The following SGPP2 variants were observed in gnomAD, a reference collection of about 807,000 sequenced individuals.
SGPP2 encodes the protein sphingosine 1-phosphate phosphohydrolase 2.
SGPP2 carries 30 observed loss-of-function variants against 33.9 expected under a neutral mutation model. The ratio of observed to expected loss-of-function variants is 0.89; its 90% CI spans 0.66 to 1.20. The LOEUF (loss-of-function observed/expected upper bound fraction) is 1.20. SGPP2 is among the 50% of genes most tolerant of loss of function. The pLI is 0.00. For synonymous variants in SGPP2, 233 were observed against 225.0 expected, an observed-to-expected ratio of 1.04 and a Z score of -0.32; for missense variants, 458 against 532.1, an observed-to-expected ratio of 0.86 and a Z score of 1.37.
chr2:222,451,832 A>G (rs1574837701), intron 1 of SGPP2, among the ~76,000 whole-genome samples: 1 of 152,336 alleles, frequency 6.6e-6, no homozygotes, highest in African/African-American at 2.4e-5. Context: ...GCAGTTGTTT[A>G]ATGCTGATGG....
At chr2:222,486,634 T>G (rs941956867) in intron 2 of SGPP2, among the ~76,000 whole-genome samples, 11 of 152,186 alleles carry the variant, frequency 7.2e-5, no homozygotes, top group African/African-American at 2.7e-4. Flanking sequence ...TTGTGGCCTT[T>G]ATAAATATTC....
intron 1 of SGPP2, among the ~76,000 whole-genome samples, chr2:222,454,535 T>C (rs1697541652): frequency 6.6e-6 from 1 of 152,180 alleles, no homozygotes; most frequent in Admixed American, 6.5e-5. Context: ...CAAAGTAGAT[T>C]TTCTTTAATG....
chr2:222,439,649 T>C (rs1182213569), intron 1 of SGPP2, among the ~76,000 whole-genome samples: 1 of 152,232 alleles, frequency 6.6e-6, no homozygotes, highest in Non-Finnish European at 1.5e-5. Flanking sequence ...TTGATACACA[T>C]GATAACTTGG....
intron 4 of SGPP2, among the ~76,000 whole-genome samples, chr2:222,530,083 G>T (rs920592249): frequency 1.3e-5 from 2 of 152,176 alleles, no homozygotes; most frequent in Non-Finnish European, 2.9e-5. Context: ...TGAGCAGTAG[G>T]TCAAAACAAT....
intron 1 of SGPP2, among the ~76,000 whole-genome samples, chr2:222,474,013 T>A (rs1697891089): frequency 6.6e-6 from 1 of 152,106 alleles, no homozygotes; most frequent in Non-Finnish European, 1.5e-5. Context: ...GTGACAGACA[T>A]CTGAAGTACC....
intron 1 of SGPP2, among the ~76,000 whole-genome samples, chr2:222,436,160 G>A (rs1203570754): frequency 6.6e-6 from 1 of 152,174 alleles, no homozygotes; most frequent in Non-Finnish European, 1.5e-5. Flanking sequence ...AAGGTAGGAG[G>A]AGCCCAAAGT....
At chr2:222,554,809 A>C (rs12620873) in intron 4 of SGPP2, among the ~76,000 whole-genome samples, 104,911 of 151,468 alleles carry the variant, frequency 0.69, 36,962 homozygotes, top group Middle Eastern at 0.83. Flanking sequence ...AACAAAAGAG[A>C]GCACCAGCTT....
At chr2:222,552,692 C>G (rs1689316241) in intron 4 of SGPP2, among the ~76,000 whole-genome samples, 1 of 152,126 alleles carries the variant, frequency 6.6e-6, no homozygotes, top group Admixed American at 6.5e-5. Flanking sequence ...GAAACCCTGT[C>G]TCTACTAAAA....
In SGPP2 at chr2:222,561,427, G is replaced by A. The variant is rs1056225207; in HGVS notation, c.*2529G>A. 6.6e-6 allele frequency among the ~76,000 whole-genome samples: 1 copy of A among 152,002 alleles called. No homozygotes were observed. Among genetic ancestry groups the A allele is most frequent in the Non-Finnish European group, 1.5e-5 (1 of 68,024 alleles). On this transcript the variant is annotated 3_prime_UTR_variant, in exon 5 of 5. Coordinates refer to ENST00000321276, the MANE Select transcript of SGPP2 (RefSeq NM_152386.4). The stretch of plus-strand genomic sequence containing the variant: ...GTGGTTGACTTGTCTGAAGCCAGCT[G>A]ACAAAAGGATCAGCTTTTCCCACTT...
chr2:222,491,770 C>A (rs555959535), intron 2 of SGPP2, among the ~76,000 whole-genome samples: 9 of 152,252 alleles, frequency 5.9e-5, no homozygotes, highest in Non-Finnish European at 1.2e-4. Context: ...AGTCTTAACT[C>A]ATTTCAGTAT....
At chr2:222,520,737 A>AAC (rs55863610) in intron 2 of SGPP2, among the ~76,000 whole-genome samples, 100,579 of 140,230 alleles carry the variant, frequency 0.72, 38,974 homozygotes, top group East Asian at 0.96. Flanking sequence ...AAAAAAAAAA[A>AAC]AAAAAAAACC....
intron 1 of SGPP2, among the ~76,000 whole-genome samples, chr2:222,457,462 G>A (rs899757475): frequency 3.9e-5 from 6 of 152,064 alleles, no homozygotes; most frequent in Admixed American, 1.3e-4. Context: ...GCAATCAGGC[G>A]ACCTCTAAAA....
intron 2 of SGPP2, among the ~76,000 whole-genome samples, chr2:222,519,628 C>A (rs1240023154): frequency 6.6e-6 from 1 of 152,064 alleles, no homozygotes; most frequent in Non-Finnish European, 1.5e-5. Context: ...TATAGTGCAC[C>A]CAGGTAGTGA....
intron 4 of SGPP2, among the ~76,000 whole-genome samples, chr2:222,549,749 T>TC (rs375245040): frequency 2.0e-5 from 3 of 152,192 alleles, no homozygotes; most frequent in Admixed American, 6.5e-5. Flanking sequence ...CCTTTTTTTT[T>TC]CCAAATAATT....
intron 2 of SGPP2, among the ~76,000 whole-genome samples, chr2:222,520,500 G>C (rs1698668106): frequency 6.6e-6 from 1 of 152,122 alleles, no homozygotes; most frequent in Non-Finnish European, 1.5e-5. Flanking sequence ...GGAGGCCGAG[G>C]CCGGCAGATC....
chr2:222,425,002 T>C (rs1260007186), intron 1 of SGPP2, among the ~76,000 whole-genome samples, 181 bp downstream of exon 1: 1 of 152,176 alleles, frequency 6.6e-6, no homozygotes, highest in African/African-American at 2.4e-5. Flanking sequence ...GATGCCACCC[T>C]CCAACGCTGC....
intron 1 of SGPP2, among the ~76,000 whole-genome samples, chr2:222,453,484 C>T (rs1317501756): frequency 2.0e-5 from 3 of 152,066 alleles, no homozygotes; most frequent in Non-Finnish European, 2.9e-5. Context: ...AGCAAAATGT[C>T]AATGACAGAT....
At chr2:222,426,768 C>T (rs1697077442) in intron 1 of SGPP2, among the ~76,000 whole-genome samples, 2 of 152,148 alleles carry the variant, frequency 1.3e-5, no homozygotes, top group Non-Finnish European at 2.9e-5. Flanking sequence ...TTTCAAATGA[C>T]TTGGGAAGAT....
In SGPP2 at chr2:222,499,393, C is replaced by T. The variant is rs558409803; in HGVS notation, c.379-22374C>T. Reference sequence around the variant, plus strand: ...TTCTCTCCTACACTTTGCCCGTGCTCGGCCAGCCTGCTCCCCTGCTCCCTG... The same window carrying T: ...TTCTCTCCTACACTTTGCCCGTGCTTGGCCAGCCTGCTCCCCTGCTCCCTG... On this transcript the variant is annotated intron_variant, in intron 2 of 4. Transcript: ENST00000321276. Among the ~76,000 whole-genome samples, 6 of 152,314 alleles carry T rather than the reference C, an allele frequency of 3.9e-5. No individual in the cohort carries two copies. The South Asian group carries it at 6.2e-4, about 16-fold the overall frequency.
Sources: gnomAD v4.1 joint callset for allele counts (sites outside exome capture counted in the v4.1 genomes callset) on GRCh38, gnomAD v4.1.1 for gene constraint, MANE v1.5 for transcripts, NCBI Gene and HGNC (gene_info 2026-07-23, HGNC 2026-07-21) for gene names.